Variants in ASPH observed in about 807,000 individuals in gnomAD.
ASPH encodes aspartate beta-hydroxylase.
In ASPH, 100 loss-of-function variants were observed where a neutral mutation model predicts 118.4. That is an observed-to-expected ratio of 0.84 (90% CI 0.72 to 1.00). ASPH has a LOEUF of 1.00. Ranked by LOEUF, ASPH falls within the 50% of genes least tolerant of loss-of-function variation. The probability of loss-of-function intolerance (pLI) is 0.00; values close to 1 mark genes in which losing one functional copy is unlikely to be tolerated. For missense variants in ASPH, 920 were observed against 919.5 expected (o/e 1.00, Z -0.01); for synonymous variants, 315 against 325.6 (o/e 0.97, Z 0.35).
At chr8:61,675,972 C>T (rs750872524) in intron 3 of ASPH, 212 of 1,533,466 alleles carry the variant, frequency 1.4e-4, no homozygotes, top group Non-Finnish European at 1.8e-4. Context: ...AAGATCACAA[C>T]CACCCCACTG....
chr8:61,554,716 T>G (rs922752773), intron 19 of ASPH, among the ~76,000 whole-genome samples: 2 of 152,188 alleles, frequency 1.3e-5, no homozygotes, highest in Admixed American at 6.5e-5. Flanking sequence ...GCTCTGTTTT[T>G]TTTGTTTGTT....
chr8:61,605,841 C>T (rs1055819886), intron 14 of ASPH, among the ~76,000 whole-genome samples: 3 of 152,192 alleles, frequency 2.0e-5, no homozygotes, highest in African/African-American at 7.2e-5. Flanking sequence ...GTGTTTGATA[C>T]TATTAATCTA....
At chr8:61,591,295 A>T (rs753686659) in intron 14 of ASPH, among the ~76,000 whole-genome samples, 4 of 152,210 alleles carry the variant, frequency 2.6e-5, no homozygotes, top group Non-Finnish European at 5.9e-5. Flanking sequence ...AAAATTATAA[A>T]CAACCAATAT....
chr8:61,609,176 C>T (rs1195826700), intron 14 of ASPH, among the ~76,000 whole-genome samples: 2 of 152,202 alleles, frequency 1.3e-5, no homozygotes, highest in East Asian at 1.9e-4. Flanking sequence ...CTCCTAACGA[C>T]GTGGCAGGGC....
chr8:61,580,859 C>T (rs1837296717), intron 15 of ASPH, among the ~76,000 whole-genome samples: 1 of 152,226 alleles, frequency 6.6e-6, no homozygotes, highest in Non-Finnish European at 1.5e-5. Context: ...TCCTTAATCA[C>T]ATCTGCAAAG....
intron 14 of ASPH, 55 bp downstream of exon 14, chr8:61,618,923 C>A: frequency 1.4e-6 from 2 of 1,427,292 alleles, no homozygotes; most frequent in South Asian, 2.4e-5. Flanking sequence ...AACATAAAAT[C>A]ATGTTATTCT....
At position 61,644,647 on chromosome 8, in the gene ASPH, AT is replaced by A; in HGVS notation, c.620-16del. On this transcript the variant is annotated splice_polypyrimidine_tract_variant and intron_variant, in intron 6 of 24. Transcript: ENST00000379454. ...ATGCTCGGTTTCTGGAAAAAAAAAA[AT>A]TAGATTGATATTTACTGCTTTTACA... 2.5e-6 allele frequency: 4 copies of A among 1,577,474 alleles called. No homozygotes were observed. The highest frequency in any genetic ancestry group is 1.8e-5 in the Admixed American group (1 of 56,980).
intron 20 of ASPH, 41 bp from the exon 21 acceptor site, chr8:61,548,249 A>G (rs1824619869): frequency 3.2e-6 from 5 of 1,546,762 alleles, no homozygotes; most frequent in Admixed American, 2.0e-5. Context: ...TGTTCCTTCA[A>G]CAGAGCATTT....
At chr8:61,639,364 C>A (rs992264561) in intron 10 of ASPH, among the ~76,000 whole-genome samples, 1 of 152,104 alleles carries the variant, frequency 6.6e-6, no homozygotes, top group Non-Finnish European at 1.5e-5. Context: ...TGACCCCATC[C>A]CTGAAAAGGC....
chr8:61,679,708 G>C (rs1421616240), intron 3 of ASPH, among the ~76,000 whole-genome samples: 1 of 151,646 alleles, frequency 6.6e-6, no homozygotes, highest in Non-Finnish European at 1.5e-5. Flanking sequence ...ATATAATGAA[G>C]TAATAAACCA....
At chr8:61,601,951 T>A (rs1844119007) in intron 14 of ASPH, among the ~76,000 whole-genome samples, 1 of 151,494 alleles carries the variant, frequency 6.6e-6, no homozygotes. Context: ...CTGAATATCT[T>A]GTATCAGTCA....
intron 17 of ASPH, among the ~76,000 whole-genome samples, chr8:61,563,297 T>C (rs1830601460): frequency 6.6e-6 from 1 of 152,128 alleles, no homozygotes; most frequent in Non-Finnish European, 1.5e-5. Context: ...GCACCCTGTA[T>C]GCAATTCGAA....
intron 14 of ASPH, among the ~76,000 whole-genome samples, chr8:61,607,653 T>C (rs1442680801): frequency 3.3e-5 from 5 of 151,602 alleles, no homozygotes; most frequent in Non-Finnish European, 5.9e-5. Flanking sequence ...CTTTCTGGCA[T>C]GAGAGACCCA....
At position 61,633,922 on chromosome 8, in the gene ASPH, A is replaced by G. The variant is rs552555308; in HGVS notation, c.890-195T>C. Among the ~76,000 whole-genome samples the G allele has an allele frequency of 2.0e-5, 3 of 152,308 alleles. No individual in the cohort carries two copies. In the East Asian group the frequency reaches 5.8e-4, roughly 29 times the overall value. On this transcript the variant is annotated intron_variant, in intron 12 of 24. Coordinates refer to ENST00000379454, the MANE Select transcript of ASPH (RefSeq NM_004318.4). ...GCTACAACTTAGCAAAATGTTGTGT[A>G]TTTCTCAACGGTTCAGCACAGCAGG...
chr8:61,673,299 C>T (rs573606092), intron 3 of ASPH, among the ~76,000 whole-genome samples: 1 of 152,094 alleles, frequency 6.6e-6, no homozygotes, highest in African/African-American at 2.4e-5. Flanking sequence ...AGACACTTCC[C>T]CTACTGACTT....
rs1838871365 is a variant in ASPH, at chr8:61,714,334, C to CTGT, written c.35_37dup (p.Asn12dup). 10 of 1,517,974 alleles carry CTGT rather than the reference C, an allele frequency of 6.6e-6. No homozygotes were observed. Among genetic ancestry groups the CTGT allele is most frequent in the African/African-American group, 1.4e-5 (1 of 69,370 alleles). 94.0% of individuals were successfully genotyped at this position (1,517,974 alleles called of 1,614,324 possible). On this transcript the variant is annotated inframe_insertion, in exon 1 of 25. Transcript: ENST00000379454. ...ACCGCTGCCGGAGCCGCTGCTGCTG[C>CTGT]TGTTGCCGCTGCTCTTGGCATTCTT...
intron 1 of ASPH, among the ~76,000 whole-genome samples, chr8:61,686,383 T>A (rs1356479241): frequency 6.6e-6 from 1 of 152,140 alleles, no homozygotes; most frequent in Non-Finnish European, 1.5e-5. Flanking sequence ...AAAATTTTTA[T>A]GTGTTGTAAG....
Position 61,502,215 on chromosome 8 carries a change from C to A in ASPH, c.*1144G>T, listed in dbSNP as rs573619981. On this transcript the variant is annotated 3_prime_UTR_variant, in exon 25 of 25. Coordinates refer to ENST00000379454, the MANE Select transcript of ASPH (RefSeq NM_004318.4). ...TTTAAAATGGCAGAGATTTCTCAAG[C>A]CAGAGAGATGGGACAGTCTTCCAAA... is the stretch of plus-strand genomic sequence containing the variant. 6.6e-6 allele frequency: 1 copy of A among 152,270 alleles called. No individual in the cohort carries two copies. The highest frequency in any genetic ancestry group is 2.4e-5 in the African/African-American group (1 of 41,548). The allele number at this position is 152,270 out of a possible 1,614,324, so 9.4% of individuals were successfully genotyped here.
chr8:61,635,808 G>A (rs779911594), intron 12 of ASPH, among the ~76,000 whole-genome samples: 1 of 151,952 alleles, frequency 6.6e-6, no homozygotes, highest in South Asian at 2.1e-4. Flanking sequence ...CTTATTTCAG[G>A]CTACCACAAT....
Sources: allele counts gnomAD v4.1 joint callset (sites outside exome capture counted in the v4.1 genomes callset), GRCh38; gene constraint gnomAD v4.1.1; transcripts MANE v1.5; gene names NCBI Gene and HGNC (gene_info 2026-07-23, HGNC 2026-07-21).